TRIM37: variants seen among roughly 807,000 people sequenced by gnomAD.
TRIM37 encodes E3 ubiquitin-protein ligase TRIM37.
A neutral mutation model predicts 129.8 loss-of-function variants in TRIM37; 80 were observed. The observed-to-expected ratio is 0.62, with a 90% CI of 0.51 to 0.74. The LOEUF is 0.74. TRIM37 is among the 30% of genes least tolerant of loss of function. TRIM37 has a pLI of 0.00. For missense variants in TRIM37, 1,054 were observed against 1,176.5 expected (o/e 0.90, Z 1.52); for synonymous variants, 389 against 387.1 (o/e 1.00, Z -0.06).
At chr17:59,063,354 A>AT (rs1377577398) in intron 10 of TRIM37, among the ~76,000 whole-genome samples, 4 of 151,962 alleles carry the variant, frequency 2.6e-5, no homozygotes, top group African/African-American at 7.2e-5. Flanking sequence ...TAATTTTTGT[A>AT]TTTTTAGTAG....
At chr17:59,031,406 C>A (rs1168615953) in intron 18 of TRIM37, among the ~76,000 whole-genome samples, 4 of 152,168 alleles carry the variant, frequency 2.6e-5, no homozygotes. Flanking sequence ...CTATACAAAT[C>A]TCCATTTTAT....
chr17:59,103,309 C>T (rs1331968227), intron 2 of TRIM37, among the ~76,000 whole-genome samples: 1 of 152,060 alleles, frequency 6.6e-6, no homozygotes, highest in African/African-American at 2.4e-5. Context: ...CTCGCATACA[C>T]AACCAAAATC....
chr17:59,053,492 G>C (rs1568106490), intron 13 of TRIM37, among the ~76,000 whole-genome samples: 1 of 151,898 alleles, frequency 6.6e-6, no homozygotes, highest in African/African-American at 2.4e-5. Flanking sequence ...GTTCCCTGTG[G>C]ACAAAAACCA....
chr17:59,083,041 C>T (rs2043436047), intron 5 of TRIM37, among the ~76,000 whole-genome samples: 2 of 152,226 alleles, frequency 1.3e-5, no homozygotes, highest in South Asian at 4.1e-4. Context: ...TACCTACCCA[C>T]TTCCATTTCA....
intron 12 of TRIM37, among the ~76,000 whole-genome samples, chr17:59,058,298 C>A (rs1258767584): frequency 6.6e-6 from 1 of 152,172 alleles, no homozygotes; most frequent in East Asian, 1.9e-4. Context: ...CCAAATACCA[C>A]GTGTTCTCAC....
intron 2 of TRIM37, among the ~76,000 whole-genome samples, chr17:59,100,472 C>T (rs943945862): frequency 9.9e-5 from 15 of 152,168 alleles, no homozygotes; most frequent in African/African-American, 3.4e-4. Flanking sequence ...AAAGCCAGAT[C>T]CGTAAGAGTA....
chr17:59,086,590 G>C (rs2043773999), intron 4 of TRIM37, among the ~76,000 whole-genome samples: 1 of 152,092 alleles, frequency 6.6e-6, no homozygotes, highest in African/African-American at 2.4e-5. Context: ...ACTGAGCTTA[G>C]AGAAAATACT....
At chr17:59,078,125 AAATAAT>A (rs900907666) in intron 7 of TRIM37, among the ~76,000 whole-genome samples, 11 of 151,526 alleles carry the variant, frequency 7.3e-5, no homozygotes, top group African/African-American at 2.4e-4. Context: ...ACTCCATCTC[AAATAAT>A]AATAATAATA....
the TRIM37 span, among the ~76,000 whole-genome samples, chr17:58,974,215 C>T: frequency 6.6e-6 from 1 of 152,084 alleles, no homozygotes; most frequent in Non-Finnish European, 1.5e-5. Flanking sequence ...AGCCTTTCTC[C>T]GTATTTTATC....
At chr17:59,059,051 T>C (rs2146426492) in intron 12 of TRIM37, among the ~76,000 whole-genome samples, 1 of 152,168 alleles carries the variant, frequency 6.6e-6, no homozygotes, top group Non-Finnish European at 1.5e-5. Flanking sequence ...ATCATATGTC[T>C]GATAAAGGTT....
In TRIM37 at chr17:59,106,600, C is replaced by T. The variant is rs886053178; in HGVS notation, c.-139G>A. On this transcript the variant is annotated 5_prime_UTR_variant, in exon 1 of 24. The change creates a new upstream start codon in the 5' untranslated region. Coordinates refer to ENST00000262294, the MANE Select transcript of TRIM37 (RefSeq NM_015294.6). ...TCAGGGGGCTCTGACAACCGCCCCA[C>T]CTGCGCGCCCCATCTCTTCAGGTCC... is the stretch of plus-strand genomic sequence containing the variant. 3.5e-5 allele frequency: 34 copies of T among 978,332 alleles called. No individual in the cohort carries two copies. The highest frequency in any genetic ancestry group is 4.1e-5 in the Admixed American group (2 of 49,000). 60.6% of individuals were successfully genotyped at this position (978,332 alleles called of 1,614,324 possible). A position where few individuals can be genotyped will look rare whatever the true frequency, so the allele number is the denominator to read the frequency against.
At chr17:59,029,259 C>A (rs1349908457) in intron 18 of TRIM37, among the ~76,000 whole-genome samples, 1 of 152,144 alleles carries the variant, frequency 6.6e-6, no homozygotes, top group Non-Finnish European at 1.5e-5. Flanking sequence ...GACACCCTAT[C>A]TGTACAAAAA....
At chr17:59,015,348 G>A (rs1000794211) in intron 21 of TRIM37, among the ~76,000 whole-genome samples, 28 of 151,186 alleles carry the variant, frequency 1.9e-4, no homozygotes, top group African/African-American at 6.3e-4. Flanking sequence ...GCTGAGGCAG[G>A]AGAATCACTT....
At chr17:59,097,792 G>T (rs920456329) in intron 2 of TRIM37, among the ~76,000 whole-genome samples, 4 of 152,218 alleles carry the variant, frequency 2.6e-5, no homozygotes, top group Middle Eastern at 6.8e-3. Flanking sequence ...ACTGCTCAAA[G>T]AAGTTAAAGA....
intron 22 of TRIM37, among the ~76,000 whole-genome samples, chr17:59,008,745 A>T (rs940521110): frequency 6.6e-6 from 1 of 152,150 alleles, no homozygotes; most frequent in African/African-American, 2.4e-5. Flanking sequence ...AAAAAATTAA[A>T]AATAAAGAAG....
At chr17:59,089,766 TA>T (rs1422888718) in intron 3 of TRIM37, among the ~76,000 whole-genome samples, 1 of 152,174 alleles carries the variant, frequency 6.6e-6, no homozygotes, top group African/African-American at 2.4e-5. Context: ...TTCATCATTA[TA>T]AAAAGTTCTA....
Position 59,106,484 on chromosome 17 carries a change from C to A in TRIM37, c.-23G>T. On this transcript the variant is annotated 5_prime_UTR_variant, in exon 1 of 24. Transcript: ENST00000262294. The stretch of plus-strand genomic sequence containing the variant: ...CATTGCCTCCGGCTCTCGGCGGGGC[C>A]GCTGGCGACCCGCAGGCTCCGCAGT... 6.2e-7 allele frequency: 1 copy of A among 1,613,436 alleles called. No individual in the cohort carries two copies. Among genetic ancestry groups the A allele is most frequent in the Non-Finnish European group, 8.5e-7 (1 of 1,179,746 alleles).
intron 2 of TRIM37, among the ~76,000 whole-genome samples, chr17:59,099,188 C>CA (rs986446269): frequency 6.6e-6 from 1 of 151,604 alleles, no homozygotes; most frequent in Non-Finnish European, 1.5e-5. Flanking sequence ...TCTCAAAAAA[C>CA]AAAAAAACTT....
chr17:59,094,702 T>C (rs983314296), intron 2 of TRIM37, among the ~76,000 whole-genome samples: 1 of 152,046 alleles, frequency 6.6e-6, no homozygotes, highest in Non-Finnish European at 1.5e-5. Flanking sequence ...GCTAGGTTTT[T>C]GGATAAAAAA....
Sources: gnomAD v4.1 joint callset for allele counts (sites outside exome capture counted in the v4.1 genomes callset) on GRCh38, gnomAD v4.1.1 for gene constraint, MANE v1.5 for transcripts, NCBI Gene and HGNC (gene_info 2026-07-23, HGNC 2026-07-21) for gene names.